TMTC2: variants seen among roughly 807,000 people sequenced by gnomAD.
The protein encoded by TMTC2 is transmembrane O-mannosyltransferase targeting cadherins 2.
A neutral mutation model predicts 82.4 loss-of-function variants in TMTC2; 43 were observed. That is an observed-to-expected ratio of 0.52 (90% CI 0.41 to 0.67). TMTC2 has a LOEUF of 0.67. TMTC2 is among the 30% of genes least tolerant of loss of function. The probability of loss-of-function intolerance (pLI) is 0.00; values close to 1 mark genes in which losing one functional copy is unlikely to be tolerated. For synonymous variants in TMTC2, 408 were observed against 381.9 expected, an observed-to-expected ratio of 1.07 and a Z score of -0.80; for missense variants, 919 against 1,012.4, an observed-to-expected ratio of 0.91 and a Z score of 1.25.
At chr12:82,737,834 T>C (rs1220314400) in intron 1 of TMTC2, among the ~76,000 whole-genome samples, 1 of 152,184 alleles carries the variant, frequency 6.6e-6, no homozygotes, top group South Asian at 2.1e-4. Context: ...ATTTTATCTT[T>C]CTAATGCTGT....
chr12:82,801,434 C>T (rs1454407403), intron 1 of TMTC2, among the ~76,000 whole-genome samples: 1 of 152,022 alleles, frequency 6.6e-6, no homozygotes, highest in Non-Finnish European at 1.5e-5. Context: ...GGGACCCAAG[C>T]GGGTTGCCAC....
At chr12:82,816,627 T>C (rs1004384360) in intron 1 of TMTC2, among the ~76,000 whole-genome samples, 4 of 152,090 alleles carry the variant, frequency 2.6e-5, no homozygotes, top group African/African-American at 7.2e-5. Context: ...CTCCTTTACC[T>C]TGGGACCCAC....
At position 83,099,734 on chromosome 12, in the gene TMTC2, T is replaced by TA. The variant is rs201486804; in HGVS notation, c.2332-32474dup. On this transcript the variant is annotated intron_variant, in intron 11 of 11. Transcript: ENST00000321196. Reference sequence around the variant, plus strand: ...AACTTATGTTTTACCCTTTTTTTTTTAACGTTGCTTTTCTTCCAATTTTGG... The same window carrying TA: ...AACTTATGTTTTACCCTTTTTTTTTTAAACGTTGCTTTTCTTCCAATTTTGG... Among the ~76,000 whole-genome samples the TA allele has an allele frequency of 3.3e-3, 495 of 152,182 alleles. 2 individuals are homozygous for TA. Among genetic ancestry groups the TA allele is most frequent in the African/African-American group, 0.011 (472 of 41,498 alleles).
chr12:82,934,599 G>A (rs1188134881), intron 4 of TMTC2, among the ~76,000 whole-genome samples: 2 of 152,086 alleles, frequency 1.3e-5, no homozygotes, highest in Non-Finnish European at 2.9e-5. Flanking sequence ...TAGTGTATAT[G>A]TGCCACATTT....
chr12:82,940,296 C>T (rs1876641089), intron 4 of TMTC2, among the ~76,000 whole-genome samples: 1 of 151,826 alleles, frequency 6.6e-6, no homozygotes, highest in South Asian at 2.1e-4. Flanking sequence ...GGATTACAGG[C>T]GTGAACCACC....
intron 8 of TMTC2, among the ~76,000 whole-genome samples, chr12:83,002,225 T>C (rs1879960463): frequency 6.6e-6 from 1 of 152,206 alleles, no homozygotes; most frequent in Admixed American, 6.5e-5. Context: ...TCTCCAGGAA[T>C]TTATCCATTT....
chr12:82,844,636 C>T (rs746541607), intron 1 of TMTC2, among the ~76,000 whole-genome samples: 59 of 151,836 alleles, frequency 3.9e-4, no homozygotes, highest in Non-Finnish European at 7.1e-4. Flanking sequence ...CCCGTCTCTA[C>T]TAAAAAATAC....
intron 2 of TMTC2, among the ~76,000 whole-genome samples, chr12:82,866,522 G>T (rs1301719259): frequency 6.6e-6 from 1 of 152,132 alleles, no homozygotes; most frequent in Non-Finnish European, 1.5e-5. Flanking sequence ...AATAAATAAT[G>T]AGTCTCATTG....
At chr12:82,709,677 AAAAAAAC>A (rs926307857) in intron 1 of TMTC2, among the ~76,000 whole-genome samples, 108 of 152,300 alleles carry the variant, frequency 7.1e-4, no homozygotes, top group African/African-American at 2.1e-3. Flanking sequence ...GAATTCAATG[AAAAAAAC>A]AAAAAACAAA....
At chr12:82,770,915 G>A (rs1444840815) in intron 1 of TMTC2, among the ~76,000 whole-genome samples, 2 of 152,098 alleles carry the variant, frequency 1.3e-5, no homozygotes, top group Admixed American at 6.6e-5. Flanking sequence ...TAGGAACACA[G>A]TAAAGAGTTG....
chr12:82,759,000 A>G (rs1437531127), intron 1 of TMTC2: 1 of 152,118 alleles, frequency 6.6e-6, no homozygotes, highest in Non-Finnish European at 1.5e-5. Flanking sequence ...ATATGACCTT[A>G]ATTTCCGAGC....
At chr12:82,741,253 T>C (rs1875390355) in intron 1 of TMTC2, among the ~76,000 whole-genome samples, 1 of 152,198 alleles carries the variant, frequency 6.6e-6, no homozygotes, top group African/African-American at 2.4e-5. Flanking sequence ...GTTTGTTTTT[T>C]GTTGTTGTTG....
chr12:83,071,902 T>C (rs1420992673), intron 11 of TMTC2, among the ~76,000 whole-genome samples: 1 of 152,224 alleles, frequency 6.6e-6, no homozygotes, highest in Admixed American at 6.5e-5. Flanking sequence ...TCTGTTCTTT[T>C]CTTGGTTAAT....
At chr12:82,845,123 G>T (rs1179322947) in intron 1 of TMTC2, among the ~76,000 whole-genome samples, 1 of 148,716 alleles carries the variant, frequency 6.7e-6, no homozygotes, top group Non-Finnish European at 1.5e-5. Flanking sequence ...TAGCTACTTG[G>T]GAGGCTGAGA....
intron 7 of TMTC2, among the ~76,000 whole-genome samples, chr12:82,970,558 C>T (rs976390287): frequency 2.0e-5 from 3 of 151,660 alleles, no homozygotes; most frequent in African/African-American, 4.9e-5. Flanking sequence ...TGGTCTCGAT[C>T]TCCTGACCTC....
At chr12:82,731,157 A>G (rs1178948368) in intron 1 of TMTC2, among the ~76,000 whole-genome samples, 2 of 152,358 alleles carry the variant, frequency 1.3e-5, no homozygotes, top group African/African-American at 4.8e-5. Context: ...ACCTTTGCAA[A>G]TGTGCATTGT....
intron 11 of TMTC2, among the ~76,000 whole-genome samples, chr12:83,072,214 C>T (rs537919100): frequency 1.1e-4 from 16 of 152,120 alleles, no homozygotes; most frequent in Non-Finnish European, 1.9e-4. Flanking sequence ...TCATTATTGT[C>T]GTTCAGTTCA....
intron 1 of TMTC2, among the ~76,000 whole-genome samples, chr12:82,782,204 C>T (rs1735750895): frequency 6.6e-6 from 1 of 152,068 alleles, no homozygotes; most frequent in South Asian, 2.1e-4. Context: ...CTCAGCCTCT[C>T]CTCCCACTGT....
chr12:83,101,918 G>A (rs1592747190), intron 11 of TMTC2, among the ~76,000 whole-genome samples: 1 of 152,314 alleles, frequency 6.6e-6, no homozygotes, highest in African/African-American at 2.4e-5. Flanking sequence ...ATAATTGCAT[G>A]AGAATAAAAA....
Sources: allele counts gnomAD v4.1 joint callset (sites outside exome capture counted in the v4.1 genomes callset), GRCh38; gene constraint gnomAD v4.1.1; transcripts MANE v1.5; gene names NCBI Gene and HGNC (gene_info 2026-07-23, HGNC 2026-07-21).